PDE1A: variants seen among roughly 807,000 people sequenced by gnomAD.
The protein encoded by PDE1A is dual specificity calcium/calmodulin-dependent 3',5'-cyclic nucleotide phosphodiesterase 1A.
A neutral mutation model predicts 61.7 loss-of-function variants in PDE1A; 35 were observed. That is an observed-to-expected ratio of 0.57 (90% confidence interval 0.43 to 0.75). The LOEUF (loss-of-function observed/expected upper bound fraction) is 0.75. PDE1A is among the 30% of genes least tolerant of loss of function. PDE1A has a pLI of 0.00. For synonymous variants in PDE1A, 232 were observed against 213.2 expected (o/e 1.09, Z -0.77); for missense variants, 597 against 630.6 (o/e 0.95, Z 0.57).
intron 2 of PDE1A, among the ~76,000 whole-genome samples, chr2:182,508,146 C>A (rs1689532666): frequency 6.7e-6 from 1 of 148,710 alleles, no homozygotes. Context: ...TTATGATTAT[C>A]TCAATAGATT....
intron 6 of PDE1A, among the ~76,000 whole-genome samples, 197 bp from the exon 7 acceptor site, chr2:182,224,161 T>C (rs1399468676): frequency 1.3e-5 from 2 of 151,962 alleles, no homozygotes; most frequent in African/African-American, 4.8e-5. Flanking sequence ...TTTCATGGCA[T>C]ATAAGTTCAA....
chr2:182,530,029 T>C, the PDE1A span, among the ~76,000 whole-genome samples: 1 of 152,140 alleles, frequency 6.6e-6, no homozygotes, highest in Admixed American at 6.5e-5. Flanking sequence ...AAGGAAGCAA[T>C]TAAGACGATT....
At chr2:182,304,495 A>G (rs1183867854) in intron 1 of PDE1A, among the ~76,000 whole-genome samples, 4 of 152,230 alleles carry the variant, frequency 2.6e-5, no homozygotes, top group African/African-American at 9.6e-5. Flanking sequence ...CATAAGAGAC[A>G]TAGTTTTTGT....
intron 1 of PDE1A, among the ~76,000 whole-genome samples, chr2:182,358,557 T>C (rs1225050104): frequency 6.6e-6 from 1 of 152,172 alleles, no homozygotes; most frequent in Non-Finnish European, 1.5e-5. Context: ...TCTAGCACTT[T>C]GTTCAGATTT....
intron 1 of PDE1A, among the ~76,000 whole-genome samples, chr2:182,276,164 T>G (rs1693396893): frequency 6.6e-6 from 1 of 151,990 alleles, no homozygotes; most frequent in Admixed American, 6.6e-5. Flanking sequence ...TTGTTTCTGG[T>G]TTCTTTCAAG....
chr2:182,529,696 G>A, the PDE1A span, among the ~76,000 whole-genome samples: 2 of 152,168 alleles, frequency 1.3e-5, no homozygotes, highest in Non-Finnish European at 1.5e-5. Context: ...GGACCACTGG[G>A]AGATAATTGA....
chr2:182,403,475 T>G (rs1210192674), intron 1 of PDE1A, among the ~76,000 whole-genome samples: 1 of 151,712 alleles, frequency 6.6e-6, no homozygotes, highest in East Asian at 1.9e-4. Context: ...GGCGGGCGCC[T>G]GTAGTCCCAG....
chr2:182,303,332 A>G (rs533472712), intron 1 of PDE1A, among the ~76,000 whole-genome samples: 1 of 152,198 alleles, frequency 6.6e-6, no homozygotes, highest in Non-Finnish European at 1.5e-5. Context: ...AGCAGGCATG[A>G]AAATAATATT....
At chr2:182,270,503 T>C (rs941510150) in intron 1 of PDE1A, among the ~76,000 whole-genome samples, 3 of 151,952 alleles carry the variant, frequency 2.0e-5, no homozygotes, top group African/African-American at 7.2e-5. Flanking sequence ...TTTTAAATTT[T>C]AGGATACAAA....
rs939747985 is a variant in PDE1A at position 182,476,645 on chromosome 2, G to A, written c.101+45631C>T. ...ATTCTGATTTAATAAAATTAATGTG[G>A]AATGTTGCAGGATAGCAAAAGTAGA... On this transcript the variant is annotated intron_variant, in intron 2 of 14. Coordinates refer to the PDE1A transcript ENST00000410103. Among the ~76,000 whole-genome samples the A allele has an allele frequency of 3.3e-5, 5 of 151,994 alleles. No individual in the cohort carries two copies. In the East Asian group the frequency reaches 9.7e-4, roughly 30 times the overall value.
the PDE1A span, among the ~76,000 whole-genome samples, chr2:182,592,341 T>A: frequency 6.6e-6 from 1 of 152,234 alleles, no homozygotes; most frequent in South Asian, 2.1e-4. Flanking sequence ...ACAAGCATAT[T>A]CATTATAGCA....
intron 1 of PDE1A, among the ~76,000 whole-genome samples, chr2:182,337,652 A>G (rs894736575): frequency 2.6e-5 from 4 of 152,148 alleles, no homozygotes; most frequent in Non-Finnish European, 5.9e-5. Flanking sequence ...AAGCTGCTTC[A>G]TTTCCTTTCC....
intron 1 of PDE1A, among the ~76,000 whole-genome samples, chr2:182,406,325 G>A (rs1317210106): frequency 4.0e-5 from 6 of 151,408 alleles, no homozygotes; most frequent in African/African-American, 1.5e-4. Flanking sequence ...GAGTAGTTTT[G>A]TGGATCTGAT....
At chr2:182,217,466 T>C (rs1175972645) in intron 7 of PDE1A, among the ~76,000 whole-genome samples, 1 of 121,466 alleles carries the variant, frequency 8.2e-6, no homozygotes. Flanking sequence ...GAAACTACCA[T>C]CAGAGTGAAC....
At chr2:182,219,102 C>G (rs946027347) in intron 7 of PDE1A, among the ~76,000 whole-genome samples, 2 of 151,614 alleles carry the variant, frequency 1.3e-5, no homozygotes, top group African/African-American at 4.9e-5. Context: ...GTTTTTTACT[C>G]TCTTATAATG....
intron 1 of PDE1A, among the ~76,000 whole-genome samples, chr2:182,385,891 G>A (rs1213941744): frequency 6.7e-6 from 1 of 150,348 alleles, no homozygotes; most frequent in African/African-American, 2.4e-5. Flanking sequence ...CTCTCTCCAC[G>A]GTCTCCCTCT....
intron 13 of PDE1A, among the ~76,000 whole-genome samples, chr2:182,162,032 G>C (rs1226458618): frequency 6.6e-6 from 1 of 152,076 alleles, no homozygotes; most frequent in Non-Finnish European, 1.5e-5. Context: ...TGATACAGTG[G>C]ACTTGTCACA....
At chr2:182,581,035 C>T in the PDE1A span, among the ~76,000 whole-genome samples, 1 of 152,118 alleles carries the variant, frequency 6.6e-6, no homozygotes, top group East Asian at 1.9e-4. Context: ...CAGATAACAT[C>T]TAATAAGATA....
At chr2:182,311,347 C>T (rs185334056) in intron 1 of PDE1A, among the ~76,000 whole-genome samples, 38 of 152,244 alleles carry the variant, frequency 2.5e-4, no homozygotes, top group Middle Eastern at 6.8e-3. Flanking sequence ...TTTTAAAAAT[C>T]AGGTTCATTG....
Sources: allele counts gnomAD v4.1 joint callset (sites outside exome capture counted in the v4.1 genomes callset), GRCh38; gene constraint gnomAD v4.1.1; transcripts MANE v1.5; gene names NCBI Gene and HGNC (gene_info 2026-07-23, HGNC 2026-07-21).